R3HDM1: variants seen among roughly 807,000 people sequenced by gnomAD.
R3HDM1 encodes the protein R3H domain-containing protein 1.
R3HDM1 carries 46 observed loss-of-function variants against 141.1 expected under a neutral mutation model. That is an observed-to-expected ratio of 0.33 (90% CI 0.26 to 0.42). The LOEUF (loss-of-function observed/expected upper bound fraction) is 0.42, where lower values mean the gene tolerates loss of function less well. Ranked by LOEUF, R3HDM1 falls within the 10% of genes least tolerant of loss-of-function variation. The pLI, the probability that R3HDM1 is intolerant of heterozygous loss-of-function variation, is 1.00. For missense variants in R3HDM1, 1,184 were observed against 1,368.3 expected, an observed-to-expected ratio of 0.87 and a Z score of 2.12; for synonymous variants, 435 against 472.9, an observed-to-expected ratio of 0.92 and a Z score of 1.04.
In R3HDM1 at chr2:135,715,569, G is replaced by A. The variant is rs1195133801; in HGVS notation, c.2756G>A (p.Ser919Asn). 6.2e-7 allele frequency: 1 copy of A among 1,613,866 alleles called. No individual in the cohort carries two copies. Among genetic ancestry groups the A allele is most frequent in the Non-Finnish European group, 8.5e-7 (1 of 1,179,970 alleles). ...TTGCAGCACAGCCCTCAACTCAGTA[G>A]CCCCATTATTTCACCAGCTCAGTCG... is the stretch of plus-strand genomic sequence containing the variant. ...NIVQHSPQLS[S>N]PIISPAQSPA... Residue 919 changes from serine to asparagine, a missense_variant, in exon 24 of 27, where the codon AGC becomes AAC. This residue lies in a region of R3HDM1 where 563 missense variants were observed against 562.0 expected (regional missense o/e 1.00). Transcript: ENST00000683871.
chr2:135,554,318 G>T (rs1419057409), intron 1 of R3HDM1, among the ~76,000 whole-genome samples: 3 of 152,140 alleles, frequency 2.0e-5, no homozygotes, highest in East Asian at 1.9e-4. Context: ...TGTTTTTGGG[G>T]TTCATCCATG....
At chr2:135,682,731 T>G (rs928432715) in intron 21 of R3HDM1, among the ~76,000 whole-genome samples, 5 of 152,208 alleles carry the variant, frequency 3.3e-5, no homozygotes, top group African/African-American at 1.2e-4. Flanking sequence ...GCATGGTGGC[T>G]CACGCCTGTA....
intron 1 of R3HDM1, among the ~76,000 whole-genome samples, chr2:135,589,682 G>A (rs889944011): frequency 1.3e-5 from 2 of 152,046 alleles, no homozygotes; most frequent in African/African-American, 2.4e-5. Flanking sequence ...AACAGAGCAA[G>A]TTTATATAAT....
Position 135,581,833 on chromosome 2 carries a change from T to C in R3HDM1, c.-249-20667T>C, listed in dbSNP as rs575289490. On this transcript the variant is annotated intron_variant, in intron 1 of 26. Transcript: ENST00000683871. ...CTCATGGTACCTTATGTCTAAATTA[T>C]TGTAAAATCTCTCAGTTTATGTTCT... 2.2e-4 allele frequency among the ~76,000 whole-genome samples: 33 copies of C among 152,338 alleles called. No individual in the cohort carries two copies. In the South Asian group the frequency reaches 5.6e-3, roughly 26 times the overall value.
chr2:135,641,680 T>C lies in R3HDM1; in HGVS notation c.1364T>C (p.Phe455Ser). Reference protein sequence around the residue: ...PTVSTHSSLSFDGGLNGQVAS... With the variant: ...PTVSTHSSLSSDGGLNGQVAS... ...GTCAGCACTCATAGTTCTCTTTCCT[T>C]TGATGGTGGCCTAAATGGGCAAGTC... Residue 455 changes from phenylalanine (F) to serine (S), a missense_variant, in exon 15 of 27, where the codon TTT (phenylalanine) becomes TCT (serine). This residue lies in a region of R3HDM1 where 240 missense variants were observed against 312.3 expected (regional missense o/e 0.77). Coordinates refer to ENST00000683871, the MANE Select transcript of R3HDM1 (RefSeq NM_001378107.1). 6.2e-7 allele frequency: 1 copy of C among 1,614,124 alleles called. No individual in the cohort carries two copies. Among genetic ancestry groups the C allele is most frequent in the South Asian group, 1.1e-5 (1 of 91,076 alleles).
intron 24 of R3HDM1, 76 bp downstream of exon 24, chr2:135,715,770 G>T: frequency 6.7e-7 from 1 of 1,501,410 alleles, no homozygotes; most frequent in South Asian, 1.3e-5. Flanking sequence ...AATTTATCTT[G>T]GTAATATTGC....
intron 19 of R3HDM1, among the ~76,000 whole-genome samples, chr2:135,671,686 T>C (rs1402397674): frequency 6.6e-6 from 1 of 151,756 alleles, no homozygotes; most frequent in Non-Finnish European, 1.5e-5. Context: ...CCTAAAAATT[T>C]AAATTCAGGT....
intron 19 of R3HDM1, among the ~76,000 whole-genome samples, chr2:135,668,092 T>A (rs2067800956): frequency 6.6e-6 from 1 of 152,250 alleles, no homozygotes; most frequent in Non-Finnish European, 1.5e-5. Context: ...TTGTCTTACA[T>A]AGGCAAGAGT....
At position 135,708,184 on chromosome 2, in the gene R3HDM1, G is replaced by A. The variant is rs540679537; in HGVS notation, c.2460-1249G>A. On this transcript the variant is annotated intron_variant, in intron 21 of 26. Transcript: ENST00000683871. ...TGAGTATTTCAGCATATGTATCCCT[G>A]AAGGATTTTTTAAATCCCACATAAT... Among the ~76,000 whole-genome samples the A allele has an allele frequency of 3.2e-4, 49 of 152,236 alleles. 1 individual carries two copies. In the South Asian group the frequency reaches 7.3e-3, roughly 23 times the overall value.
chr2:135,637,392 C>T (rs576394786), intron 11 of R3HDM1, among the ~76,000 whole-genome samples: 1 of 152,150 alleles, frequency 6.6e-6, no homozygotes, highest in African/African-American at 2.4e-5. Flanking sequence ...CAGTGACTCA[C>T]ACCTGTAATC....
intron 15 of R3HDM1, 55 bp downstream of exon 15, chr2:135,641,845 A>AGAC: frequency 6.7e-7 from 1 of 1,486,288 alleles, no homozygotes; most frequent in East Asian, 2.3e-5. Context: ...AAGGATACTT[A>AGAC]TTAAATGTAT....
At chr2:135,553,560 T>G (rs1700190929) in intron 1 of R3HDM1, among the ~76,000 whole-genome samples, 1 of 152,134 alleles carries the variant, frequency 6.6e-6, no homozygotes, top group South Asian at 2.1e-4. Flanking sequence ...GATCAAGCAC[T>G]GTTATAAGAA....
At chr2:135,653,330 TG>T (rs1430943403) in intron 18 of R3HDM1, among the ~76,000 whole-genome samples, 1 of 152,224 alleles carries the variant, frequency 6.6e-6, no homozygotes, top group Non-Finnish European at 1.5e-5. Context: ...CACTCCAGTC[TG>T]GGCAACAGAG....
chr2:135,687,297 G>C (rs2071522011), intron 21 of R3HDM1, among the ~76,000 whole-genome samples: 1 of 152,134 alleles, frequency 6.6e-6, no homozygotes, highest in South Asian at 2.1e-4. Flanking sequence ...CTCTTCAGTG[G>C]ATATAACATT....
At chr2:135,685,534 ATTTG>A (rs1382376591) in intron 21 of R3HDM1, among the ~76,000 whole-genome samples, 2 of 152,114 alleles carry the variant, frequency 1.3e-5, no homozygotes, top group East Asian at 1.9e-4. Flanking sequence ...ACCAGCCTGT[ATTTG>A]TTTGTGTATT....
intron 1 of R3HDM1, among the ~76,000 whole-genome samples, chr2:135,547,065 C>T (rs970908720): frequency 2.6e-5 from 4 of 152,036 alleles, no homozygotes; most frequent in African/African-American, 7.2e-5. Flanking sequence ...GGTTTTGTCT[C>T]GAGTAATTTT....
intron 1 of R3HDM1, among the ~76,000 whole-genome samples, chr2:135,538,828 G>T (rs1005856907): frequency 3.3e-5 from 5 of 152,168 alleles, no homozygotes; most frequent in African/African-American, 1.2e-4. Context: ...TGGCCAGGCT[G>T]GTCTTGAACT....
chr2:135,638,659 A>G lies in R3HDM1; in HGVS notation c.941+4A>G. ...AGAATTACATTATTGACAAAAGGTG[A>G]GGGAATTTTTAACATCTGTTTTGGT... On this transcript the variant is annotated splice_donor_region_variant and intron_variant, in intron 12 of 26. Transcript: ENST00000683871. 2 of 1,610,766 alleles carry G rather than the reference A, an allele frequency of 1.2e-6. No individual in the cohort carries two copies. The highest frequency in any genetic ancestry group is 2.7e-5 in the African/African-American group (2 of 74,972).
At chr2:135,590,846 AT>A in intron 1 of R3HDM1, 2 of 495,394 alleles carry the variant, frequency 4.0e-6, no homozygotes, top group Non-Finnish European at 5.2e-6. Context: ...TTTTTAAGCT[AT>A]TTTTACTGGC....
Sources: allele counts gnomAD v4.1 joint callset (sites outside exome capture counted in the v4.1 genomes callset), GRCh38; gene constraint gnomAD v4.1.1; regional missense constraint gnomAD v4.1.1; transcripts MANE v1.5; gene names NCBI Gene and HGNC (gene_info 2026-07-23, HGNC 2026-07-21).